UBR2: variants seen among roughly 807,000 people sequenced by gnomAD.
UBR2 encodes E3 ubiquitin-protein ligase UBR2.
A neutral mutation model predicts 247.9 loss-of-function variants in UBR2; 92 were observed. The observed-to-expected ratio is 0.37, with a 90% CI of 0.31 to 0.44. UBR2 has a LOEUF of 0.44. Among genes scored for constraint, UBR2 ranks in the 20% least tolerant of loss-of-function variants. UBR2 has a pLI of 1.00. For missense variants in UBR2, 1,613 were observed against 2,112.6 expected (o/e 0.76, Z 4.64); for synonymous variants, 672 against 693.5 (o/e 0.97, Z 0.49).
rs2151927473 is a variant in UBR2 at position 42,603,580 on chromosome 6, T to G, written c.532-8T>G. On this transcript the variant is annotated splice_region_variant and splice_polypyrimidine_tract_variant and intron_variant, in intron 4 of 46. Coordinates refer to ENST00000372901, the MANE Select transcript of UBR2 (RefSeq NM_001363705.2). ...TTCTTTTTCTTTTTTTTCTGTTGTT[T>G]CTTTCAGGATCCTCTTGTTCATTTA... 6.4e-7 allele frequency: 1 copy of G among 1,552,270 alleles called. No homozygotes were observed.
intron 7 of UBR2, 51 bp from the exon 8 acceptor site, chr6:42,612,120 A>G (rs1472961585): frequency 6.2e-6 from 9 of 1,453,664 alleles, no homozygotes; most frequent in Non-Finnish European, 7.4e-6. Flanking sequence ...TTGTTCTGCC[A>G]ATAGAATAGC....
chr6:42,640,436 A>G (rs569038819), intron 16 of UBR2, among the ~76,000 whole-genome samples, 166 bp downstream of exon 16: 61 of 136,576 alleles, frequency 4.5e-4, no homozygotes, highest in Admixed American at 8.9e-4. Context: ...GTGTGTGTGT[A>G]TAGATACATA....
At chr6:42,623,248 A>G (rs1381044924) in intron 11 of UBR2, among the ~76,000 whole-genome samples, 1 of 152,034 alleles carries the variant, frequency 6.6e-6, no homozygotes, top group African/African-American at 2.4e-5. Flanking sequence ...TTGATTGTTT[A>G]TAGATACTCT....
chr6:42,576,837 A>G (rs780387242), intron 2 of UBR2, among the ~76,000 whole-genome samples: 1 of 152,030 alleles, frequency 6.6e-6, no homozygotes, highest in Non-Finnish European at 1.5e-5. Flanking sequence ...CTGTTTTGTT[A>G]GGGCAGATCC....
intron 11 of UBR2, among the ~76,000 whole-genome samples, chr6:42,622,405 G>GTTTTTTTTTTTTTTTTTTTTTTTTT (rs112798050): frequency 2.9e-5 from 4 of 138,780 alleles, no homozygotes; most frequent in East Asian, 4.1e-4. Context: ...TTTTTGGTGG[G>GTTTTTTTTTTTTTTTTTTTTTTTTT]TTTTTTTTTT....
At chr6:42,632,958 C>CT (rs34284200) in intron 13 of UBR2, 54 bp downstream of exon 13, 143,726 of 639,414 alleles carry the variant, frequency 0.22, 3,550 homozygotes, top group East Asian at 0.35. Context: ...TCTCTTTTCT[C>CT]TTTTTTTTTT....
At chr6:42,601,688 C>A (rs1369114761) in intron 4 of UBR2, among the ~76,000 whole-genome samples, 326 of 117,308 alleles carry the variant, frequency 2.8e-3, no homozygotes, top group East Asian at 5.7e-3. Flanking sequence ...AACTCTAGCT[C>A]AAAAAAAAAA....
At position 42,693,477 on chromosome 6, in the gene UBR2, C is replaced by T. The variant is rs1799848625; in HGVS notation, c.*2304C>T. The T allele has an allele frequency of 6.6e-6, 1 of 152,126 alleles. No homozygotes were observed. Among genetic ancestry groups the T allele is most frequent in the Non-Finnish European group, 1.5e-5 (1 of 68,028 alleles). 9.4% of individuals were successfully genotyped at this position (152,126 alleles called of 1,614,324 possible). ...TCATATGTAAAAAGTTTAAAGATAT[C>T]CAAATAAATGCTTTAGGTGTTGGCA... On this transcript the variant is annotated 3_prime_UTR_variant, in exon 47 of 47. Transcript: ENST00000372901.
At chr6:42,661,886 C>T (rs943738938) in intron 30 of UBR2, among the ~76,000 whole-genome samples, 29 of 152,334 alleles carry the variant, frequency 1.9e-4, no homozygotes, top group Admixed American at 1.2e-3. Flanking sequence ...TGGAATATCT[C>T]AGCACCCTGA....
At chr6:42,616,762 A>G (rs1455759849) in intron 10 of UBR2, among the ~76,000 whole-genome samples, 1 of 152,118 alleles carries the variant, frequency 6.6e-6, no homozygotes, top group African/African-American at 2.4e-5. Context: ...TACGAAGTAT[A>G]TGAGAATCAC....
At chr6:42,673,717 G>A in intron 36 of UBR2, 74 bp from the exon 37 acceptor site, 1 of 1,041,490 alleles carries the variant, frequency 9.6e-7, no homozygotes, top group Non-Finnish European at 1.5e-6. Flanking sequence ...ATCCAGCTGT[G>A]CTCTGAACTA....
chr6:42,641,733 C>T (rs991065956), intron 17 of UBR2, 41 bp downstream of exon 17: 1 of 1,531,990 alleles, frequency 6.5e-7, no homozygotes. Context: ...TCATTCCATT[C>T]TTGGCTTCTG....
At chr6:42,651,803 A>AT (rs998147874) in intron 23 of UBR2, among the ~76,000 whole-genome samples, 6 of 150,528 alleles carry the variant, frequency 4.0e-5, no homozygotes, top group African/African-American at 1.5e-4. Flanking sequence ...CTGTTGTGTT[A>AT]TTTTCTGATT....
chr6:42,658,775 C>T lies in UBR2; in HGVS notation c.3193C>T (p.Gln1065Ter). The T allele has an allele frequency of 6.2e-7, 1 of 1,608,272 alleles. No homozygotes were observed. Among genetic ancestry groups the T allele is most frequent in the African/African-American group, 1.4e-5 (1 of 73,618 alleles). The change falls in exon 29 of 47, where the codon CAG becomes TAG. Residue 1065 changes from glutamine (Q) to a stop codon, truncating the protein, a stop_gained. Transcript: ENST00000372901. LOFTEE classifies it high-confidence loss of function. ...HFIDENKELF[Q>*]QTLELDASTS... ...TATTGATGAAAACAAAGAACTCTTT[C>T]AGCAGACATTAGAACTGGATGCCTC... is the stretch of plus-strand genomic sequence containing the variant.
Position 42,642,416 on chromosome 6 carries a change from A to G in UBR2, c.2032A>G (p.Ile678Val). The change falls in exon 18 of 47, where the codon ATT becomes GTT. Residue 678 changes from isoleucine (I) to valine (V), a missense_variant and splice_region_variant. Transcript: ENST00000372901. ...RRNGFSLVNQIYYYHNVKCRR... is the reference protein window; with the variant it reads ...RRNGFSLVNQVYYYHNVKCRR... Reference sequence around the variant, plus strand: ...TCAATATAATTACTTTTTTTTTTAGATTTATTACTACCATAATGTGAAATG... The same window carrying G: ...TCAATATAATTACTTTTTTTTTTAGGTTTATTACTACCATAATGTGAAATG... The G allele has an allele frequency of 6.3e-7, 1 of 1,592,820 alleles. No homozygotes were observed. Among genetic ancestry groups the G allele is most frequent in the Non-Finnish European group, 8.6e-7 (1 of 1,166,342 alleles).
intron 44 of UBR2, 154 bp from the exon 45 acceptor site, chr6:42,688,062 C>G (rs1209907735): frequency 6.4e-6 from 5 of 778,800 alleles, no homozygotes; most frequent in Non-Finnish European, 6.3e-6. Context: ...GTTTCCTATT[C>G]CAGATTCTAG....
chr6:42,601,955 C>T (rs1582499572), intron 4 of UBR2, among the ~76,000 whole-genome samples: 2 of 94,876 alleles, frequency 2.1e-5, no homozygotes, highest in South Asian at 7.0e-4. Context: ...CTGCAACCTC[C>T]GTCTCCTGGG....
At chr6:42,665,865 A>G (rs1392029131) in intron 33 of UBR2, among the ~76,000 whole-genome samples, 1 of 152,022 alleles carries the variant, frequency 6.6e-6, no homozygotes, top group Non-Finnish European at 1.5e-5. Flanking sequence ...TTCATAGACC[A>G]TGCACTGCAC....
intron 2 of UBR2, among the ~76,000 whole-genome samples, chr6:42,581,172 T>A (rs1241666027): frequency 6.9e-6 from 1 of 145,248 alleles, no homozygotes; most frequent in South Asian, 2.2e-4. Context: ...TGTCACTATG[T>A]TGACTAATTT....
Sources: allele counts gnomAD v4.1 joint callset (sites outside exome capture counted in the v4.1 genomes callset), GRCh38; gene constraint gnomAD v4.1.1; transcripts MANE v1.5; gene names NCBI Gene and HGNC (gene_info 2026-07-23, HGNC 2026-07-21).